GPD2: variants seen among roughly 807,000 people sequenced by gnomAD.
GPD2 encodes glycerol-3-phosphate dehydrogenase, mitochondrial.
A neutral mutation model predicts 82.4 loss-of-function variants in GPD2; 54 were observed. The observed-to-expected ratio is 0.66, with a 90% CI of 0.53 to 0.82. The LOEUF (loss-of-function observed/expected upper bound fraction) is 0.82, where lower values mean the gene tolerates loss of function less well. GPD2 is among the 40% of genes least tolerant of loss of function. The pLI is 0.00. For synonymous variants in GPD2, 288 were observed against 306.1 expected, an observed-to-expected ratio of 0.94 and a Z score of 0.62; for missense variants, 748 against 896.2, an observed-to-expected ratio of 0.83 and a Z score of 2.11.
intron 2 of GPD2, among the ~76,000 whole-genome samples, chr2:156,477,181 A>G (rs1434379080): frequency 6.6e-6 from 1 of 152,224 alleles, no homozygotes; most frequent in Non-Finnish European, 1.5e-5. Context: ...CTGTAATCCC[A>G]GCACTTTGGG....
intron 8 of GPD2, among the ~76,000 whole-genome samples, chr2:156,553,226 A>G (rs1249210812): frequency 6.6e-6 from 1 of 152,050 alleles, no homozygotes; most frequent in Non-Finnish European, 1.5e-5. Flanking sequence ...ATAAGGTTTG[A>G]CAATGATCCT....
chr2:156,409,939 A>G, the GPD2 span, among the ~76,000 whole-genome samples: 1 of 152,064 alleles, frequency 6.6e-6, no homozygotes, highest in Non-Finnish European at 1.5e-5. Flanking sequence ...AAAATTAGCC[A>G]GGTGTGTTGA....
chr2:156,543,705 C>T (rs1441504685), intron 6 of GPD2, among the ~76,000 whole-genome samples: 1 of 152,134 alleles, frequency 6.6e-6, no homozygotes, highest in Non-Finnish European at 1.5e-5. Flanking sequence ...GTAAGGACAA[C>T]ATGAGCAAGA....
At position 156,570,072 on chromosome 2, in the gene GPD2, G is replaced by T; in HGVS notation, c.1477-15G>T. 1.9e-6 allele frequency: 3 copies of T among 1,610,324 alleles called. No homozygotes were observed. In the South Asian group the frequency reaches 3.3e-5, roughly 18 times the overall value. On this transcript the variant is annotated splice_polypyrimidine_tract_variant and intron_variant, in intron 11 of 16. Transcript: ENST00000438166. ...ATATTCAAAGTGCCTGCCTAACGCA[G>T]CTTTATTTCTCTAGGTGGCACAGCA...
At chr2:156,449,211 T>C (rs1682467653) in intron 1 of GPD2, among the ~76,000 whole-genome samples, 1 of 152,146 alleles carries the variant, frequency 6.6e-6, no homozygotes, top group Admixed American at 6.6e-5. Context: ...GATGAGGATA[T>C]GTTGTGGGCG....
intron 2 of GPD2, among the ~76,000 whole-genome samples, chr2:156,481,672 T>TG (rs1439973152): frequency 2.6e-5 from 4 of 151,494 alleles, no homozygotes; most frequent in Admixed American, 6.6e-5. Context: ...TAAATAGAGA[T>TG]GGGGTCTTGC....
At chr2:156,480,975 A>G (rs566482274) in intron 2 of GPD2, among the ~76,000 whole-genome samples, 13 of 151,588 alleles carry the variant, frequency 8.6e-5, no homozygotes, top group South Asian at 6.3e-4. Flanking sequence ...TAATGGGAGG[A>G]ATTATCTTCT....
intron 2 of GPD2, among the ~76,000 whole-genome samples, chr2:156,492,606 T>C (rs1337350187): frequency 6.6e-6 from 1 of 152,070 alleles, no homozygotes; most frequent in Non-Finnish European, 1.5e-5. Flanking sequence ...GGTTGTAATA[T>C]AGAAAATGAT....
intron 6 of GPD2, among the ~76,000 whole-genome samples, chr2:156,542,799 G>A (rs558783210): frequency 2.4e-4 from 36 of 152,210 alleles, no homozygotes; most frequent in African/African-American, 8.4e-4. Flanking sequence ...GTAACTGCCT[G>A]TCCAAAATAT....
At chr2:156,519,824 C>T (rs770191396) in intron 6 of GPD2, among the ~76,000 whole-genome samples, 2 of 152,228 alleles carry the variant, frequency 1.3e-5, no homozygotes, top group African/African-American at 4.8e-5. Flanking sequence ...CTTTGGGCTC[C>T]AGCCCCATGG....
At chr2:156,435,340 G>A (rs1439802482), upstream of GPD2, 2 of 152,128 alleles carry the variant, frequency 1.3e-5, no homozygotes, top group Admixed American at 6.5e-5. Context: ...AAGAAGTGGG[G>A]TCCATTTGAG....
intron 9 of GPD2, among the ~76,000 whole-genome samples, chr2:156,568,167 T>C (rs977372615): frequency 2.6e-5 from 4 of 152,158 alleles, no homozygotes; most frequent in Non-Finnish European, 1.5e-5. Context: ...ATATTTGCCT[T>C]GGCCAGGTTT....
intron 1 of GPD2, among the ~76,000 whole-genome samples, chr2:156,470,097 A>G (rs1240995745): frequency 6.6e-6 from 1 of 152,206 alleles, no homozygotes; most frequent in Non-Finnish European, 1.5e-5. Flanking sequence ...CTCCTATTCA[A>G]GATGGAGTTC....
chr2:156,437,264 TAGTA>T (rs1366071864), intron 1 of GPD2, among the ~76,000 whole-genome samples: 5 of 152,226 alleles, frequency 3.3e-5, no homozygotes, highest in Admixed American at 6.5e-5. Context: ...GGAAGGAAGT[TAGTA>T]AGTGACAGGG....
intron 1 of GPD2, among the ~76,000 whole-genome samples, chr2:156,449,726 G>A (rs1434910161): frequency 4.6e-5 from 7 of 152,054 alleles, no homozygotes; most frequent in Non-Finnish European, 1.0e-4. Flanking sequence ...ATAGAAAAAA[G>A]TGGCCTGGGC....
At chr2:156,409,819 T>C in the GPD2 span, among the ~76,000 whole-genome samples, 3 of 152,232 alleles carry the variant, frequency 2.0e-5, no homozygotes, top group Non-Finnish European at 4.4e-5. Context: ...CCAGGTATGG[T>C]GGTTCATGCC....
Position 156,544,740 on chromosome 2 carries a change from A to T in GPD2, c.662-4868A>T, listed in dbSNP as rs17265464. The stretch of plus-strand genomic sequence containing the variant: ...GTATAATTTCAGATGTACCCGGCTC[A>T]TCTCCTTTTATAGGACACTGAAGCC... On this transcript the variant is annotated intron_variant, in intron 6 of 16. Transcript: ENST00000438166. 4.2e-3 allele frequency among the ~76,000 whole-genome samples: 635 copies of T among 152,290 alleles called. 6 individuals carry two copies. The highest frequency in any genetic ancestry group is 4.8e-3 in the Non-Finnish European group (324 of 68,030).
chr2:156,476,871 T>C (rs2105203447), intron 2 of GPD2, among the ~76,000 whole-genome samples: 1 of 152,348 alleles, frequency 6.6e-6, no homozygotes, highest in African/African-American at 2.4e-5. Flanking sequence ...ACCACCGTAG[T>C]AGTTAGTATC....
At chr2:156,503,082 G>A (rs1476736316) in intron 3 of GPD2, among the ~76,000 whole-genome samples, 1 of 152,090 alleles carries the variant, frequency 6.6e-6, no homozygotes, top group Non-Finnish European at 1.5e-5. Flanking sequence ...CAGACTAGCT[G>A]CTGAGACAAG....
Sources: gnomAD v4.1 joint callset for allele counts (sites outside exome capture counted in the v4.1 genomes callset) on GRCh38, gnomAD v4.1.1 for gene constraint, MANE v1.5 for transcripts, NCBI Gene and HGNC (gene_info 2026-07-23, HGNC 2026-07-21) for gene names.